CNKSR2: variants seen among roughly 807,000 people sequenced by gnomAD.
CNKSR2 encodes connector enhancer of kinase suppressor of Ras 2.
A neutral mutation model predicts 84.4 loss-of-function variants in CNKSR2; 14 were observed. That is an observed-to-expected ratio of 0.17 (90% CI 0.11 to 0.26). CNKSR2 has a LOEUF of 0.26. Ranked by LOEUF, CNKSR2 falls within the 10% of genes least tolerant of loss-of-function variation. CNKSR2 has a pLI of 1.00. For synonymous variants in CNKSR2, 275 were observed against 277.9 expected, an observed-to-expected ratio of 0.99 and a Z score of 0.10; for missense variants, 485 against 771.2, an observed-to-expected ratio of 0.63 and a Z score of 4.40.
chrX:21,495,948 A>T (rs1013201631), intron 6 of CNKSR2, among the ~76,000 whole-genome samples: 1 of 109,356 alleles, frequency 9.1e-6, no homozygotes. Context: ...GAATGTACTT[A>T]CACAAACCTA....
chrX:21,476,176 A>G, intron 5 of CNKSR2, among the ~76,000 whole-genome samples: 1 of 111,264 alleles, frequency 9.0e-6, no homozygotes, highest in South Asian at 3.8e-4. Flanking sequence ...GTTTATTATG[A>G]ACACTTGTTT....
At chrX:21,638,598 A>G (rs1268152388) in intron 20 of CNKSR2, among the ~76,000 whole-genome samples, 1 of 111,740 alleles carries the variant, frequency 8.9e-6, no homozygotes, top group Non-Finnish European at 1.9e-5. Context: ...TGGCCTCACA[A>G]TTAGAAGTTT....
At chrX:21,466,104 A>AT (rs995825209) in intron 4 of CNKSR2, among the ~76,000 whole-genome samples, 2 of 111,555 alleles carry the variant, frequency 1.8e-5, no homozygotes, top group African/African-American at 3.3e-5. Context: ...GAAGAAATGA[A>AT]TTTTTTTTGC....
intron 18 of CNKSR2, among the ~76,000 whole-genome samples, chrX:21,601,892 C>T (rs1250712933): frequency 8.9e-6 from 1 of 111,859 alleles, no homozygotes; most frequent in Non-Finnish European, 1.9e-5. Flanking sequence ...CTGTGGTCAT[C>T]GTTCTTAGGT....
At chrX:21,399,650 C>A (rs1003284247) in intron 1 of CNKSR2, among the ~76,000 whole-genome samples, 5 of 110,783 alleles carry the variant, frequency 4.5e-5, no homozygotes. Flanking sequence ...TCAGAATAAC[C>A]CCATTCTAAG....
intron 12 of CNKSR2, among the ~76,000 whole-genome samples, chrX:21,562,952 T>C (rs1212281589): frequency 8.9e-6 from 1 of 111,775 alleles, no homozygotes; most frequent in African/African-American, 3.2e-5. Context: ...GGTCCAAAGC[T>C]AAAACTTGGA....
chrX:21,599,134 G>A (rs2092466427), intron 17 of CNKSR2, among the ~76,000 whole-genome samples: 1 of 112,243 alleles, frequency 8.9e-6, no homozygotes, highest in Non-Finnish European at 1.9e-5. Context: ...TAAATCTAGA[G>A]TTAATTGAAG....
At chrX:21,598,836 C>T (rs2092464557) in intron 17 of CNKSR2, among the ~76,000 whole-genome samples, 1 of 112,700 alleles carries the variant, frequency 8.9e-6, no homozygotes, top group South Asian at 3.7e-4. Flanking sequence ...GCACATATAG[C>T]TGTTAATAAA....
At chrX:21,624,593 T>G (rs2092615079) in intron 20 of CNKSR2, among the ~76,000 whole-genome samples, 1 of 111,001 alleles carries the variant, frequency 9.0e-6, no homozygotes. Flanking sequence ...CACTGCAACC[T>G]TCACCTCCCG....
chrX:21,386,958 G>C (rs777268281), intron 1 of CNKSR2, among the ~76,000 whole-genome samples: 1 of 111,781 alleles, frequency 8.9e-6, no homozygotes, highest in Non-Finnish European at 1.9e-5. Context: ...TTTGTTTGGG[G>C]ATGTTTTTGA....
In CNKSR2 at chrX:21,426,600, G is replaced by A. The variant is rs1437469566; in HGVS notation, c.168G>A (p.Gly56=). The A allele has an allele frequency of 8.3e-7, 1 of 1,206,601 alleles. No homozygotes were observed. The highest frequency in any genetic ancestry group is 1.1e-6 in the Non-Finnish European group (1 of 894,021). ...RITHQELEDL[G]VSRIGHQELI... Reference sequence around the variant, plus strand: ...CACATCAGGAGCTAGAAGATCTGGGGGTCAGCCGCATTGGCCATCAGGAAC... The same window carrying A: ...CACATCAGGAGCTAGAAGATCTGGGAGTCAGCCGCATTGGCCATCAGGAAC... The change falls in exon 2 of 22, where the codon GGG becomes GGA. Residue 56 remains glycine (G), a synonymous_variant. Coordinates refer to ENST00000379510, the MANE Select transcript of CNKSR2 (RefSeq NM_014927.5).
intron 8 of CNKSR2, among the ~76,000 whole-genome samples, chrX:21,515,873 A>G (rs1206124500): frequency 8.9e-6 from 1 of 112,107 alleles, no homozygotes; most frequent in African/African-American, 3.2e-5. Context: ...ACACATTCCA[A>G]TAGCTGCTTC....
chrX:21,545,729 C>T (rs1447676054), intron 11 of CNKSR2, among the ~76,000 whole-genome samples: 3 of 112,126 alleles, frequency 2.7e-5, no homozygotes, highest in Non-Finnish European at 5.6e-5. Context: ...AAGGAACAGG[C>T]AGCAATCTTT....
intron 1 of CNKSR2, among the ~76,000 whole-genome samples, chrX:21,398,988 C>T (rs1437292217): frequency 9.1e-6 from 1 of 109,709 alleles, no homozygotes; most frequent in Non-Finnish European, 1.9e-5. Context: ...ACCTAGGTAG[C>T]ACTGGAATAT....
At chrX:21,448,785 C>T (rs1334694309) in intron 4 of CNKSR2, among the ~76,000 whole-genome samples, 2 of 111,746 alleles carry the variant, frequency 1.8e-5, no homozygotes, top group Non-Finnish European at 3.8e-5. Flanking sequence ...TAAGGCATTT[C>T]GCTTCTGCTG....
intron 3 of CNKSR2, among the ~76,000 whole-genome samples, chrX:21,439,548 G>A (rs1377121499): frequency 9.1e-6 from 1 of 110,471 alleles, no homozygotes; most frequent in East Asian, 2.8e-4. Context: ...TAAGTACGGA[G>A]CAATAAGATC....
At chrX:21,495,811 A>C (rs1207959734) in intron 6 of CNKSR2, 1 of 101,283 alleles carries the variant, frequency 9.9e-6, no homozygotes, top group African/African-American at 3.6e-5. Context: ...AAAAAAAAAA[A>C]AAAAAAAAAA....
chrX:21,392,017 C>T lies in CNKSR2; in HGVS notation c.64+17056C>T, dbSNP rs755113448. 4.5e-5 allele frequency among the ~76,000 whole-genome samples: 5 copies of T among 112,146 alleles called. No individual in the cohort carries two copies. The South Asian group carries it at 1.5e-3, about 33-fold the overall frequency. The stretch of plus-strand genomic sequence containing the variant: ...TGAGCAGGGGCATAATGCTGCCAGT[C>T]TCCTTGGTAAAGCATTGCAAGAGTG... On this transcript the variant is annotated intron_variant, in intron 1 of 21. Coordinates refer to ENST00000379510, the MANE Select transcript of CNKSR2 (RefSeq NM_014927.5).
chrX:21,470,661 C>T, intron 4 of CNKSR2, 105 bp from the exon 5 acceptor site: 1 of 374,552 alleles, frequency 2.7e-6, no homozygotes, highest in Non-Finnish European at 4.5e-6. Context: ...ATTGCTTTTA[C>T]TTGAATTGTT....
Sources: allele counts gnomAD v4.1 joint callset (sites outside exome capture counted in the v4.1 genomes callset), GRCh38; gene constraint gnomAD v4.1.1; transcripts MANE v1.5; gene names NCBI Gene and HGNC (gene_info 2026-07-23, HGNC 2026-07-21).